Variants in MTF2 observed in about 807,000 individuals in gnomAD.
MTF2 encodes metal response element binding transcription factor 2, also known as metal-response element-binding transcription factor 2.
MTF2 carries 11 observed loss-of-function variants against 79.5 expected under a neutral mutation model. The observed-to-expected ratio is 0.14, with a 90% CI of 0.09 to 0.23. MTF2 has a LOEUF of 0.23. MTF2 is among the 10% of genes least tolerant of loss of function. MTF2 has a pLI of 1.00. For missense variants in MTF2, 486 were observed against 711.2 expected, an observed-to-expected ratio of 0.68 and a Z score of 3.60; for synonymous variants, 208 against 232.8, an observed-to-expected ratio of 0.89 and a Z score of 0.97.
intron 9 of MTF2, among the ~76,000 whole-genome samples, chr1:93,124,300 C>T (rs762310114): frequency 6.6e-6 from 1 of 151,966 alleles, no homozygotes; most frequent in Non-Finnish European, 1.5e-5. Context: ...CCATGATAAA[C>T]TTTCTTAAGG....
chr1:93,123,770 C>G (rs190503978), intron 9 of MTF2, among the ~76,000 whole-genome samples: 21 of 147,856 alleles, frequency 1.4e-4, no homozygotes, highest in South Asian at 2.2e-4. Context: ...GTCCCCCCCC[C>G]CTTTTTTTAA....
At chr1:93,117,765 G>A (rs942480224) in intron 6 of MTF2, among the ~76,000 whole-genome samples, 3 of 152,072 alleles carry the variant, frequency 2.0e-5, no homozygotes, top group Non-Finnish European at 2.9e-5. Context: ...GGTGGCTCTC[G>A]CATGTGATCC....
chr1:93,099,278 A>G (rs898729638), intron 1 of MTF2, among the ~76,000 whole-genome samples: 3 of 152,194 alleles, frequency 2.0e-5, no homozygotes, highest in African/African-American at 4.8e-5. Flanking sequence ...TAGCTGAGGA[A>G]AGCCTGCTGC....
At chr1:93,104,208 A>G (rs1261690372) in intron 1 of MTF2, among the ~76,000 whole-genome samples, 1 of 149,802 alleles carries the variant, frequency 6.7e-6, no homozygotes, top group Non-Finnish European at 1.5e-5. Flanking sequence ...CCAAAGTGCT[A>G]GGATTACAGG....
chr1:93,083,447 TTTTG>T, intron 1 of MTF2, among the ~76,000 whole-genome samples: 2 of 152,342 alleles, frequency 1.3e-5, no homozygotes, highest in Middle Eastern at 3.4e-3. Context: ...ATATACCTTT[TTTTG>T]TTTGTCTAGT....
At chr1:93,093,043 G>A (rs1254193434) in intron 1 of MTF2, among the ~76,000 whole-genome samples, 2 of 151,962 alleles carry the variant, frequency 1.3e-5, no homozygotes, top group Admixed American at 6.6e-5. Context: ...TTAGCCAGGC[G>A]TGGTGGCACA....
chr1:93,087,231 G>A (rs2992963), intron 1 of MTF2, among the ~76,000 whole-genome samples: 152,136 of 152,340 alleles, frequency 1, 75,967 homozygotes, highest in East Asian at 1. Context: ...CCATCTGTAG[G>A]AATGCATCAT....
chr1:93,100,054 T>C (rs1302042036), intron 1 of MTF2, among the ~76,000 whole-genome samples: 1 of 152,136 alleles, frequency 6.6e-6, no homozygotes, highest in Non-Finnish European at 1.5e-5. Context: ...ATTATCAACT[T>C]CAATAGCAAG....
At chr1:93,133,635 C>A in intron 11 of MTF2, 68 bp from the exon 12 acceptor site, 1 of 968,734 alleles carries the variant, frequency 1.0e-6, no homozygotes, top group Non-Finnish European at 1.5e-6. Context: ...TGTCTAGTTA[C>A]ATACATAGAG....
intron 1 of MTF2, among the ~76,000 whole-genome samples, chr1:93,095,916 A>G (rs897375275): frequency 2.7e-5 from 4 of 150,098 alleles, no homozygotes; most frequent in African/African-American, 7.4e-5. Context: ...GACCTCCCAA[A>G]GTGCTGGGAT....
At chr1:93,108,268 T>TTG (rs146951003) in intron 1 of MTF2, among the ~76,000 whole-genome samples, 18,406 of 151,240 alleles carry the variant, frequency 0.12, 1,286 homozygotes, top group East Asian at 0.28. Context: ...TTGGTATTCT[T>TTG]TGTGTGTGTG....
intron 8 of MTF2, chr1:93,120,217 A>G (rs1571244021): frequency 6.4e-6 from 1 of 156,980 alleles, no homozygotes; most frequent in Non-Finnish European, 1.4e-5. Flanking sequence ...AATCGCTTGA[A>G]CCCACGGGGC....
intron 1 of MTF2, among the ~76,000 whole-genome samples, chr1:93,085,601 C>T (rs1298583164): frequency 2.6e-5 from 4 of 151,934 alleles, no homozygotes; most frequent in Non-Finnish European, 5.9e-5. Context: ...ATCCTTCCAC[C>T]TCAGCCTCCT....
At chr1:93,127,940 C>G (rs967899928) in intron 10 of MTF2, among the ~76,000 whole-genome samples, 11 of 151,796 alleles carry the variant, frequency 7.2e-5, no homozygotes, top group Non-Finnish European at 1.6e-4. Flanking sequence ...TGTGTTGACT[C>G]CAGTGAAATT....
In MTF2 at chr1:93,079,323, T is replaced by G; in HGVS notation, c.-204T>G. The G allele has an allele frequency of 3.2e-6, 2 of 618,082 alleles. No homozygotes were observed. Among genetic ancestry groups the G allele is most frequent in the South Asian group, 3.8e-5 (2 of 52,336 alleles). 38.3% of individuals were successfully genotyped at this position (618,082 alleles called of 1,614,324 possible). ...AAAATGGCGAGGGGCTGTATTGAAG[T>G]GGGCTGTGTTTGAGGCCGGTGTAAG... On this transcript the variant is annotated 5_prime_UTR_variant, in exon 1 of 15. Transcript: ENST00000370298.
At chr1:93,090,558 T>C (rs965225880) in intron 1 of MTF2, among the ~76,000 whole-genome samples, 1 of 152,030 alleles carries the variant, frequency 6.6e-6, no homozygotes, top group Non-Finnish European at 1.5e-5. Flanking sequence ...GACTGTACTT[T>C]TAATATATCT....
intron 14 of MTF2, chr1:93,134,407 TTG>T: frequency 1.9e-6 from 1 of 514,328 alleles, no homozygotes; most frequent in Non-Finnish European, 3.4e-6. Flanking sequence ...TTTTTCATGT[TTG>T]TGTGGAAATT....
intron 1 of MTF2, among the ~76,000 whole-genome samples, chr1:93,085,841 A>G (rs1352548782): frequency 6.6e-6 from 1 of 152,192 alleles, no homozygotes; most frequent in Non-Finnish European, 1.5e-5. Flanking sequence ...GAACTTGAGT[A>G]TCTGTGGATT....
At chr1:93,113,881 TTTA>T (rs1656139873) in intron 3 of MTF2, among the ~76,000 whole-genome samples, 1 of 152,160 alleles carries the variant, frequency 6.6e-6, no homozygotes, top group Non-Finnish European at 1.5e-5. Context: ...ATTATAAGTT[TTTA>T]TTGTTGTTAT....
Sources: allele counts gnomAD v4.1 joint callset (sites outside exome capture counted in the v4.1 genomes callset), GRCh38; gene constraint gnomAD v4.1.1; transcripts MANE v1.5; gene names NCBI Gene and HGNC (gene_info 2026-07-23, HGNC 2026-07-21).